AKNA: variants seen among roughly 807,000 people sequenced by gnomAD.
AKNA encodes AT-hook transcription factor, also known as microtubule organization protein AKNA.
AKNA carries 67 observed loss-of-function variants against 138.8 expected under a neutral mutation model. The observed-to-expected ratio is 0.48, with a 90% confidence interval of 0.40 to 0.59. The LOEUF is 0.59. Among genes scored for constraint, AKNA ranks in the 20% least tolerant of loss-of-function variants. The pLI is 0.00. For missense variants in AKNA, 1,813 were observed against 1,880.4 expected (o/e 0.96, Z 0.66); for synonymous variants, 737 against 754.4 (o/e 0.98, Z 0.38).
intron 15 of AKNA, 83 bp from the exon 16 acceptor site, chr9:114,347,983 A>G (rs1053319769): frequency 1.2e-5 from 17 of 1,465,134 alleles, no homozygotes; most frequent in Non-Finnish European, 1.6e-5. Flanking sequence ...AGGATGCGGC[A>G]GCCTTTGTCC....
At position 114,351,011 on chromosome 9, in the gene AKNA, G is replaced by A; in HGVS notation, c.3069C>T (p.Gly1023=). 1 of 1,613,764 alleles carries A rather than the reference G, an allele frequency of 6.2e-7. No homozygotes were observed. The highest frequency in any genetic ancestry group is 8.5e-7 in the Non-Finnish European group (1 of 1,179,922). ...RTLAAEMAVP[G]SEFEGHKRIS... ...TCCGTTTGTGCCCCTCAAACTCTGA[G>A]CCAGGAACCGCTAGGGAGGCAGAGA... The change falls in exon 15 of 22, where the codon GGC becomes GGT. Residue 1023 remains glycine, a synonymous_variant. Transcript: ENST00000374088.
intron 12 of AKNA, 126 bp from the exon 13 acceptor site, chr9:114,357,095 C>A: frequency 1.4e-6 from 1 of 733,492 alleles, no homozygotes; most frequent in Non-Finnish European, 2.1e-6. Context: ...GCCCAGCTCC[C>A]AACAGCCAGG....
chr9:114,330,844 G>A (rs779305528), downstream of AKNA: 13 of 1,613,814 alleles, frequency 8.1e-6, no homozygotes, highest in East Asian at 2.5e-4. Flanking sequence ...GCGGGAGAAT[G>A]GGACCGTCTC....
At chr9:114,385,050 T>C (rs769736771) in intron 1 of AKNA, among the ~76,000 whole-genome samples, 37 of 152,216 alleles carry the variant, frequency 2.4e-4, no homozygotes, top group Admixed American at 3.9e-4. Context: ...GATGGGGTTT[T>C]GCCACGTTGC....
chr9:114,395,549 G>A (rs921848331), upstream of AKNA, among the ~76,000 whole-genome samples: 3 of 151,722 alleles, frequency 2.0e-5, no homozygotes, highest in Admixed American at 1.3e-4. Context: ...AACTCACACC[G>A]TACACTACAA....
chr9:114,333,302 G>C, downstream of AKNA: 1 of 1,284,024 alleles, frequency 7.8e-7, no homozygotes, highest in Non-Finnish European at 1.1e-6. Flanking sequence ...CCTGCCCTGA[G>C]TTTAACCCTG....
At position 114,359,987 on chromosome 9, in the gene AKNA, T is replaced by A; in HGVS notation, c.2200A>T (p.Ser734Cys). Residue 734 changes from serine (S) to cysteine (C), a missense_variant, in exon 10 of 22, where the codon AGT becomes TGT. Physicochemically the swap from Ser to Cys is moderately radical, Grantham distance 112. Transcript: ENST00000374088. ...TCCTGTGGCCTGTCCTCCACCTCAC[T>A]GTTGCCAGAGCTCACCTCCACATTT... The part of the protein sequence containing the change: ...HVNVEVSSGN[S>C]EVEDRPQDPL... The A allele has an allele frequency of 6.2e-7, 1 of 1,614,204 alleles. No homozygotes were observed. The highest frequency in any genetic ancestry group is 8.5e-7 in the Non-Finnish European group (1 of 1,180,026).
At position 114,334,641 on chromosome 9, in the gene AKNA, G is replaced by C. The variant is rs1180155691; in HGVS notation, c.*2413C>G. ...AAGGGCCGGCCTCACCCCAACCTGG[G>C]TGCTCGTGATTGACAGCCTCTTGTT... On this transcript the variant is annotated 3_prime_UTR_variant, in exon 22 of 22. Transcript: ENST00000374088. 1 of 147,224 alleles carries C rather than the reference G, an allele frequency of 6.8e-6. No individual in the cohort carries two copies. Among genetic ancestry groups the C allele is most frequent in the African/African-American group, 2.7e-5 (1 of 36,676 alleles). 9.1% of individuals were successfully genotyped at this position (147,224 alleles called of 1,614,324 possible).
chr9:114,378,248 T>C (rs1815132355), intron 2 of AKNA, among the ~76,000 whole-genome samples: 1 of 152,194 alleles, frequency 6.6e-6, no homozygotes, highest in Admixed American at 6.5e-5. Context: ...CTCCCCTCCT[T>C]GGCCTAGTTA....
chr9:114,386,156 C>G (rs1449605611), intron 1 of AKNA, among the ~76,000 whole-genome samples: 4 of 152,190 alleles, frequency 2.6e-5, no homozygotes, highest in Non-Finnish European at 5.9e-5. Flanking sequence ...TACTGAGCAC[C>G]CAGTGGGCGC....
In AKNA at chr9:114,376,882, A is replaced by C. The variant is rs1253135465; in HGVS notation, c.925T>G (p.Ser309Ala). ...GGGCTGATGGAGCCAATGAATCGGG[A>C]AGGGAGTGGCTTAGGTGACGTCTTT... ...QTKTSPKPLP[S>A]RFIGSISPLN... The change falls in exon 3 of 22, where the codon TCC becomes GCC. Residue 309 changes from serine to alanine, a missense_variant. By Grantham distance (99) the Ser-to-Ala change is moderately conservative. Coordinates refer to ENST00000374088, the MANE Select transcript of AKNA (RefSeq NM_001317950.2). 1 of 1,613,964 alleles carries C rather than the reference A, an allele frequency of 6.2e-7. No individual in the cohort carries two copies. The highest frequency in any genetic ancestry group is 8.5e-7 in the Non-Finnish European group (1 of 1,180,002).
In AKNA at chr9:114,364,560, CT is replaced by C; in HGVS notation, c.1787del (p.Lys596ArgfsTer6). Reference sequence around the variant, plus strand: ...GGGTGGCTCCTGAATTGGGCAGTACCTTGACTTGGTCCTGGGGCATGAGACG... The same window carrying C: ...GGGTGGCTCCTGAATTGGGCAGTACCTGACTTGGTCCTGGGGCATGAGACG... ...AGRLMPQDQVKGFQRLKAAHA... is the reference protein window; with the variant it reads ...AGRLMPQDQVXGFQRLKAAHA... On this transcript the variant is annotated frameshift_variant and splice_region_variant, in exon 7 of 22. Coordinates refer to ENST00000374088, the MANE Select transcript of AKNA (RefSeq NM_001317950.2). LOFTEE classifies it high-confidence loss of function. 6.2e-7 allele frequency: 1 copy of C among 1,613,832 alleles called. No individual in the cohort carries two copies. Among genetic ancestry groups the C allele is most frequent in the South Asian group, 1.1e-5 (1 of 91,072 alleles).
intron 15 of AKNA, among the ~76,000 whole-genome samples, chr9:114,348,346 T>C (rs941570709): frequency 3.9e-5 from 6 of 152,286 alleles, no homozygotes; most frequent in African/African-American, 1.4e-4. Flanking sequence ...TTGTCCACCA[T>C]CTCCCCACAC....
rs1212258653 is a variant in AKNA, at chr9:114,336,791, T to C, written c.*263A>G. 1 of 412,832 alleles carries C rather than the reference T, an allele frequency of 2.4e-6. No homozygotes were observed. The highest frequency in any genetic ancestry group is 3.5e-5 in the East Asian group (1 of 28,398). The allele number at this position is 412,832 out of a possible 1,614,324, so 25.6% of individuals were successfully genotyped here. A position where few individuals can be genotyped will look rare whatever the true frequency, so the allele number is the denominator to read the frequency against. ...GACCAGGAGAGACTGCCTGAGGTTC[T>C]GCCTGGACCGAAGGAGGCCTCGCTC... is the stretch of plus-strand genomic sequence containing the variant. On this transcript the variant is annotated 3_prime_UTR_variant, in exon 22 of 22. Coordinates refer to ENST00000374088, the MANE Select transcript of AKNA (RefSeq NM_001317950.2).
intron 18 of AKNA, chr9:114,345,060 C>CATATATATATATATAT (rs143632430): frequency 2.1e-5 from 3 of 143,526 alleles, no homozygotes; most frequent in African/African-American, 7.5e-5. Context: ...GAACCATATC[C>CATATATATATATATAT]ATATATATAT....
chr9:114,335,784 A>G lies in AKNA; in HGVS notation c.*1270T>C, dbSNP rs1364258108. 1 of 148,454 alleles carries G rather than the reference A, an allele frequency of 6.7e-6. No individual in the cohort carries two copies. Among genetic ancestry groups the G allele is most frequent in the Non-Finnish European group, 1.5e-5 (1 of 66,614 alleles). The allele number at this position is 148,454 out of a possible 1,614,324, so 9.2% of individuals were successfully genotyped here. ...AAAACTCAGTCTCAAAAAAAAAAAAAAAAAGAAAAAGAAAAAAGAAAAAAA... is the reference window on the plus strand; with the variant it reads ...AAAACTCAGTCTCAAAAAAAAAAAAGAAAAGAAAAAGAAAAAAGAAAAAAA... On this transcript the variant is annotated 3_prime_UTR_variant, in exon 22 of 22. Coordinates refer to ENST00000374088, the MANE Select transcript of AKNA (RefSeq NM_001317950.2).
rs551133670 is a variant in AKNA, at chr9:114,377,635, C to G, written c.275-103G>C. ...CTCTCTGGCTTCCATTTCCTCATCACGTGGGGATGGAAAGAATCCCAAGGT... is the reference window on the plus strand; with the variant it reads ...CTCTCTGGCTTCCATTTCCTCATCAGGTGGGGATGGAAAGAATCCCAAGGT... On this transcript the variant is annotated intron_variant, in intron 2 of 21. Transcript: ENST00000374088. The G allele has an allele frequency of 1.4e-5, 16 of 1,184,460 alleles. No homozygotes were observed. The East Asian group carries it at 1.8e-4, about 13-fold the overall frequency. The allele number at this position is 1,184,460 out of a possible 1,614,324, so 73.4% of individuals were successfully genotyped here. A position where few individuals can be genotyped will look rare whatever the true frequency, so the allele number is the denominator to read the frequency against.
chr9:114,362,808 T>G (rs1420975443), intron 7 of AKNA, among the ~76,000 whole-genome samples: 1 of 152,164 alleles, frequency 6.6e-6, no homozygotes, highest in African/African-American at 2.4e-5. Flanking sequence ...TGCATAGACT[T>G]ACAAGGACCC....
rs1311472919 is a variant in AKNA, at chr9:114,367,769, G to A, written c.1574-72C>T. ...AGGAGCTGAAGGACTGAGGCTGAAC[G>A]TCAAAGCCACCACCTCCATCATCAA... On this transcript the variant is annotated intron_variant, in intron 5 of 21. Coordinates refer to ENST00000374088, the MANE Select transcript of AKNA (RefSeq NM_001317950.2). 6.8e-6 allele frequency: 10 copies of A among 1,469,666 alleles called. 1 individual carries two copies. Among genetic ancestry groups the A allele is most frequent in the South Asian group, 4.1e-5 (3 of 72,682 alleles). The allele number at this position is 1,469,666 out of a possible 1,614,324, so 91.0% of individuals were successfully genotyped here.
Sources: allele counts gnomAD v4.1 joint callset (sites outside exome capture counted in the v4.1 genomes callset), GRCh38; gene constraint gnomAD v4.1.1; transcripts MANE v1.5; gene names NCBI Gene and HGNC (gene_info 2026-07-23, HGNC 2026-07-21).